KCNQ5: variants seen among roughly 807,000 people sequenced by gnomAD.
KCNQ5 encodes the protein potassium voltage-gated channel subfamily KQT member 5.
Under a neutral mutation model 98.2 loss-of-function variants are expected in KCNQ5, and 30 were observed. That is an observed-to-expected ratio of 0.31 (90% confidence interval 0.23 to 0.41). The LOEUF is 0.41. KCNQ5 is among the 10% of genes least tolerant of loss of function. The pLI, the probability that KCNQ5 is intolerant of heterozygous loss-of-function variation, is 1.00. For missense variants in KCNQ5, 835 were observed against 1,182.5 expected, an observed-to-expected ratio of 0.71 and a Z score of 4.31; for synonymous variants, 458 against 449.4, an observed-to-expected ratio of 1.02 and a Z score of -0.24.
At chr6:72,944,723 C>A (rs1273439388) in intron 1 of KCNQ5, among the ~76,000 whole-genome samples, 1 of 152,194 alleles carries the variant, frequency 6.6e-6, no homozygotes, top group African/African-American at 2.4e-5. Context: ...TCTGAAAAAC[C>A]TGCCACCAAC....
At chr6:72,900,494 T>TAC (rs913227306) in intron 1 of KCNQ5, among the ~76,000 whole-genome samples, 14 of 147,856 alleles carry the variant, frequency 9.5e-5, no homozygotes, top group African/African-American at 3.4e-4. Flanking sequence ...TATATATATA[T>TAC]ACTCCATCAT....
intron 1 of KCNQ5, among the ~76,000 whole-genome samples, chr6:72,654,106 A>T (rs2154472527): frequency 6.6e-6 from 1 of 152,190 alleles, no homozygotes; most frequent in South Asian, 2.1e-4. Flanking sequence ...AGAAATGATC[A>T]TCATTTTAGA....
intron 1 of KCNQ5, among the ~76,000 whole-genome samples, chr6:72,984,660 T>A (rs1768663293): frequency 6.6e-6 from 1 of 152,172 alleles, no homozygotes; most frequent in South Asian, 2.1e-4. Flanking sequence ...CCACCCCTTG[T>A]GCTTCCTGGG....
At chr6:72,732,175 G>A (rs769751456) in intron 1 of KCNQ5, among the ~76,000 whole-genome samples, 3 of 152,150 alleles carry the variant, frequency 2.0e-5, no homozygotes, top group Admixed American at 2.0e-4. Flanking sequence ...TGAGTAATAT[G>A]CAATCTAGTG....
intron 6 of KCNQ5, among the ~76,000 whole-genome samples, chr6:73,107,544 G>A (rs1775054228): frequency 6.6e-6 from 1 of 152,172 alleles, no homozygotes; most frequent in African/African-American, 2.4e-5. Context: ...CAAAATGTAT[G>A]AAGATCTAGG....
rs1459102783 is a variant in KCNQ5 at position 72,629,191 on chromosome 6, G to GA, written c.398+6605dup. Among the ~76,000 whole-genome samples the GA allele has an allele frequency of 6.6e-5, 10 of 152,284 alleles. No individual in the cohort carries two copies. In the East Asian group the frequency reaches 1.9e-3, roughly 29 times the overall value. On this transcript the variant is annotated intron_variant, in intron 1 of 13. Transcript: ENST00000370398. ...ACTCTGTTGGCCATTCTATGTGTCA[G>GA]ACTCAATTAGACCTAATGAATTACT...
chr6:73,055,119 A>C lies in KCNQ5; in HGVS notation c.616+13057A>C, dbSNP rs1772413092. The stretch of plus-strand genomic sequence containing the variant: ...ACCATGGCCACCTACAAACTGGTGC[A>C]GATCCAGCACAGCGAGAGTGAGTGG... On this transcript the variant is annotated intron_variant, in intron 3 of 13. Coordinates refer to ENST00000370398, the MANE Select transcript of KCNQ5 (RefSeq NM_019842.4). The C allele has an allele frequency of 4.0e-6, 3 of 751,660 alleles. No individual in the cohort carries two copies. In the Admixed American group the frequency reaches 5.2e-5, roughly 13 times the overall value. The allele number at this position is 751,660 out of a possible 1,614,324, so 46.6% of individuals were successfully genotyped here. A position where few individuals can be genotyped will look rare whatever the true frequency, so the allele number is the denominator to read the frequency against.
rs535106778 is a variant in KCNQ5, at chr6:73,178,115, G to T, written c.1577+8261G>T. On this transcript the variant is annotated intron_variant, in intron 11 of 13. Coordinates refer to ENST00000370398, the MANE Select transcript of KCNQ5 (RefSeq NM_019842.4). ...TATTCATTTCACACTTTATTATTTG[G>T]TTTTTTTTTTTACACTTTAAAATTT... is the stretch of plus-strand genomic sequence containing the variant. 2.6e-3 allele frequency among the ~76,000 whole-genome samples: 374 copies of T among 144,398 alleles called. 1 individual carries two copies. Among genetic ancestry groups the T allele is most frequent in the African/African-American group, 8.8e-3 (348 of 39,634 alleles). The allele number at this position is 144,398 out of a possible 152,430, so 94.7% of individuals were successfully genotyped here.
In KCNQ5 at chr6:72,849,273, A is replaced by G. The variant is rs148928809; in HGVS notation, c.399-154635A>G. The stretch of plus-strand genomic sequence containing the variant: ...ATACAAGTGCAGGTATCTTTTTGCT[A>G]TCACAATTTCTTTTCCTTTGGGTAG... On this transcript the variant is annotated intron_variant, in intron 1 of 13. Coordinates refer to ENST00000370398, the MANE Select transcript of KCNQ5 (RefSeq NM_019842.4). 6.8e-3 allele frequency among the ~76,000 whole-genome samples: 1,030 copies of G among 152,230 alleles called. 14 individuals are homozygous for G. Among genetic ancestry groups the G allele is most frequent in the African/African-American group, 0.022 (923 of 41,554 alleles).
intron 1 of KCNQ5, among the ~76,000 whole-genome samples, chr6:72,858,821 T>A (rs569972443): frequency 1.2e-4 from 19 of 152,188 alleles, no homozygotes; most frequent in African/African-American, 4.1e-4. Context: ...TGCACACACA[T>A]TCAAAAGAGC....
chr6:72,627,049 T>C (rs1471424395), intron 1 of KCNQ5, among the ~76,000 whole-genome samples: 1 of 152,164 alleles, frequency 6.6e-6, no homozygotes, highest in African/African-American at 2.4e-5. Context: ...AGATTTTAAG[T>C]GGTGGGAACA....
At chr6:72,958,651 A>G (rs931123189) in intron 1 of KCNQ5, among the ~76,000 whole-genome samples, 1 of 152,238 alleles carries the variant, frequency 6.6e-6, no homozygotes, top group African/African-American at 2.4e-5. Context: ...GGCCTAACAT[A>G]TGAGGTACAT....
chr6:72,751,903 T>C (rs2154476614), intron 1 of KCNQ5, among the ~76,000 whole-genome samples: 1 of 152,232 alleles, frequency 6.6e-6, no homozygotes, highest in East Asian at 1.9e-4. Context: ...TTTTTAAAGA[T>C]AGGAAAGTGA....
chr6:72,678,883 A>G (rs1280491980), intron 1 of KCNQ5, among the ~76,000 whole-genome samples: 3 of 152,226 alleles, frequency 2.0e-5, no homozygotes, highest in Non-Finnish European at 2.9e-5. Flanking sequence ...AAATAAAAAT[A>G]AAAGACATGA....
Position 73,003,968 on chromosome 6 carries a change from A to G in KCNQ5, c.459A>G (p.Thr153=). 6.2e-7 allele frequency: 1 copy of G among 1,612,976 alleles called. No homozygotes were observed. Among genetic ancestry groups the G allele is most frequent in the Non-Finnish European group, 8.5e-7 (1 of 1,179,118 alleles). Residue 153 remains threonine, a synonymous_variant, in exon 2 of 14, where the codon ACA becomes ACG. Coordinates refer to ENST00000370398, the MANE Select transcript of KCNQ5 (RefSeq NM_019842.4). The part of the protein sequence containing the change: ...LSVFSTIPEH[T]KLASSCLLIL... ...TGTTTTCTACCATCCCTGAGCACACAAAATTGGCCTCAAGTTGCCTCTTGA... is the reference window on the plus strand; with the variant it reads ...TGTTTTCTACCATCCCTGAGCACACGAAATTGGCCTCAAGTTGCCTCTTGA...
chr6:73,026,474 C>A (rs1770895259), intron 2 of KCNQ5, among the ~76,000 whole-genome samples: 1 of 152,190 alleles, frequency 6.6e-6, no homozygotes, highest in South Asian at 2.1e-4. Flanking sequence ...CTCCAAAAGG[C>A]CTACCCTGCT....
intron 3 of KCNQ5, among the ~76,000 whole-genome samples, chr6:73,042,679 C>T (rs994613391): frequency 1.3e-5 from 2 of 152,150 alleles, no homozygotes; most frequent in Non-Finnish European, 2.9e-5. Context: ...TACCCAAATA[C>T]ATAGCACATC....
At chr6:72,749,369 G>A (rs1055208590) in intron 1 of KCNQ5, among the ~76,000 whole-genome samples, 1 of 152,004 alleles carries the variant, frequency 6.6e-6, no homozygotes, top group South Asian at 2.1e-4. Context: ...GTTGAGGATA[G>A]GAATTATTAC....
chr6:72,864,956 C>A (rs746317647), intron 1 of KCNQ5, among the ~76,000 whole-genome samples: 28 of 152,188 alleles, frequency 1.8e-4, no homozygotes, highest in Non-Finnish European at 2.8e-4. Context: ...ACATCTGAGT[C>A]AATATTTGTA....
Sources: allele counts gnomAD v4.1 joint callset (sites outside exome capture counted in the v4.1 genomes callset), GRCh38; gene constraint gnomAD v4.1.1; transcripts MANE v1.5; gene names NCBI Gene and HGNC (gene_info 2026-07-23, HGNC 2026-07-21).